Variants in SEMA5A observed in about 807,000 individuals in gnomAD.
SEMA5A encodes the protein semaphorin 5A.
Under a neutral mutation model 135.5 loss-of-function variants are expected in SEMA5A, and 55 were observed. That is an observed-to-expected ratio of 0.41 (90% confidence interval 0.33 to 0.51). The LOEUF (loss-of-function observed/expected upper bound fraction) is 0.51. Ranked by LOEUF, SEMA5A falls within the 20% of genes least tolerant of loss-of-function variation. The pLI is 0.37. For synonymous variants in SEMA5A, 580 were observed against 546.5 expected (o/e 1.06, Z -0.85); for missense variants, 1,290 against 1,419.9 (o/e 0.91, Z 1.47).
chr5:9,197,152 G>C lies in SEMA5A; in HGVS notation c.1068+16C>G, dbSNP rs1554001373. ...TGGGGGATGCCAACAGTGCCCCTTT[G>C]CCCCCCGAAAATTACCTGGAAGTGG... On this transcript the variant is annotated intron_variant, in intron 10 of 22. Transcript: ENST00000382496. 6.2e-7 allele frequency: 1 copy of C among 1,614,018 alleles called. No individual in the cohort carries two copies. The highest frequency in any genetic ancestry group is 8.5e-7 in the Non-Finnish European group (1 of 1,179,954).
intron 1 of SEMA5A, among the ~76,000 whole-genome samples, chr5:9,485,868 C>T (rs578127223): frequency 6.6e-6 from 1 of 152,144 alleles, no homozygotes; most frequent in East Asian, 1.9e-4. Flanking sequence ...AACTATTAGG[C>T]TTTAAAAGTA....
At chr5:9,229,136 C>T (rs1363026580) in intron 6 of SEMA5A, among the ~76,000 whole-genome samples, 2 of 152,156 alleles carry the variant, frequency 1.3e-5, no homozygotes, top group African/African-American at 2.4e-5. Context: ...GTGGATTATC[C>T]TCCTAACATT....
intron 12 of SEMA5A, among the ~76,000 whole-genome samples, chr5:9,137,236 T>C (rs1256447752): frequency 2.6e-5 from 4 of 152,184 alleles, no homozygotes; most frequent in Non-Finnish European, 5.9e-5. Flanking sequence ...ACTCAAAAAA[T>C]AGGAGCATCT....
chr5:9,140,277 T>G lies in SEMA5A; in HGVS notation c.1482-3656A>C, dbSNP rs577614711. Among the ~76,000 whole-genome samples the G allele has an allele frequency of 9.2e-5, 14 of 152,370 alleles. No homozygotes were observed. In the South Asian group the frequency reaches 2.9e-3, roughly 32 times the overall value. ...TTATTGTAGAAAACACATAAAAATT[T>G]TCTCAATTCTCAAGACACGCAATTG... On this transcript the variant is annotated intron_variant, in intron 12 of 22. Coordinates refer to ENST00000382496, the MANE Select transcript of SEMA5A (RefSeq NM_003966.3).
At position 9,321,325 on chromosome 5, in the gene SEMA5A, C is replaced by T. The variant is rs546847314; in HGVS notation, c.225-2908G>A. ...AGTGTGAGAACAAACTAGTACATAG[C>T]GGCACCAGGGAAATTACTAGCCATT... On this transcript the variant is annotated intron_variant, in intron 4 of 22. Coordinates refer to ENST00000382496, the MANE Select transcript of SEMA5A (RefSeq NM_003966.3). Among the ~76,000 whole-genome samples the T allele has an allele frequency of 5.8e-4, 89 of 152,188 alleles. 1 individual carries two copies. Among genetic ancestry groups the T allele is most frequent in the Middle Eastern group, 3.4e-3 (1 of 294 alleles).
intron 3 of SEMA5A, among the ~76,000 whole-genome samples, chr5:9,348,578 G>A (rs1753979172): frequency 6.6e-6 from 1 of 152,148 alleles, no homozygotes; most frequent in African/African-American, 2.4e-5. Flanking sequence ...TGCAGCATAT[G>A]ATTTTAGGCT....
At chr5:9,443,945 T>C (rs1168082199) in intron 1 of SEMA5A, among the ~76,000 whole-genome samples, 1 of 152,218 alleles carries the variant, frequency 6.6e-6, no homozygotes, top group Non-Finnish European at 1.5e-5. Flanking sequence ...ACTCTTACCA[T>C]GGTCCAGGGA....
At chr5:9,253,729 C>A (rs1210395767) in intron 5 of SEMA5A, among the ~76,000 whole-genome samples, 3 of 152,072 alleles carry the variant, frequency 2.0e-5, no homozygotes, top group African/African-American at 7.2e-5. Context: ...AAATGTGGTA[C>A]AAAATCTCAT....
intron 16 of SEMA5A, among the ~76,000 whole-genome samples, chr5:9,074,739 A>G (rs896372082): frequency 1.3e-5 from 2 of 152,246 alleles, no homozygotes; most frequent in African/African-American, 2.4e-5. Context: ...AAACTTAGAA[A>G]AAGGTAAATT....
chr5:9,322,478 C>T (rs1752673559), intron 4 of SEMA5A, among the ~76,000 whole-genome samples: 1 of 152,006 alleles, frequency 6.6e-6, no homozygotes, highest in African/African-American at 2.4e-5. Context: ...ATCCAATACC[C>T]CAGGAAGGAA....
At position 9,119,590 on chromosome 5, in the gene SEMA5A, G is replaced by A. The variant is rs1479649; in HGVS notation, c.1782-449C>T. ...GACAAAATGCTCATCTAAAACTGCC[G>A]AAAATGCTATCTTTTAAAATCTATT... is the stretch of plus-strand genomic sequence containing the variant. On this transcript the variant is annotated intron_variant, in intron 14 of 22. Coordinates refer to ENST00000382496, the MANE Select transcript of SEMA5A (RefSeq NM_003966.3). 7.9e-5 allele frequency among the ~76,000 whole-genome samples: 12 copies of A among 151,886 alleles called. 1 individual carries two copies. Among genetic ancestry groups the A allele is most frequent in the Admixed American group, 1.3e-4 (2 of 15,238 alleles).
chr5:9,504,585 A>C (rs1234479318), intron 1 of SEMA5A, among the ~76,000 whole-genome samples: 1 of 152,236 alleles, frequency 6.6e-6, no homozygotes, highest in Non-Finnish European at 1.5e-5. Context: ...GTGAGGCGCA[A>C]GGGGAATGCT....
intron 1 of SEMA5A, among the ~76,000 whole-genome samples, chr5:9,455,342 G>A (rs1249406371): frequency 7.9e-5 from 12 of 151,316 alleles, no homozygotes; most frequent in South Asian, 4.2e-4. Flanking sequence ...TGTAATCTCC[G>A]CCTCCCAGGT....
chr5:9,269,503 C>T (rs762865395), intron 5 of SEMA5A, among the ~76,000 whole-genome samples: 2 of 152,070 alleles, frequency 1.3e-5, no homozygotes, highest in African/African-American at 4.8e-5. Flanking sequence ...AGTTAGCGTA[C>T]TCACTTGAAA....
At chr5:9,357,931 C>T (rs922929982) in intron 3 of SEMA5A, among the ~76,000 whole-genome samples, 4 of 152,210 alleles carry the variant, frequency 2.6e-5, no homozygotes, top group Non-Finnish European at 5.9e-5. Context: ...ATTATTTGGA[C>T]AGGAATTATG....
At chr5:9,423,876 G>A (rs1047115501) in intron 2 of SEMA5A, among the ~76,000 whole-genome samples, 1 of 152,174 alleles carries the variant, frequency 6.6e-6, no homozygotes, top group Non-Finnish European at 1.5e-5. Context: ...TATGCCTACT[G>A]CAGCTGGAAC....
At chr5:9,091,657 A>G (rs942271821) in intron 16 of SEMA5A, among the ~76,000 whole-genome samples, 1 of 152,350 alleles carries the variant, frequency 6.6e-6, no homozygotes, top group African/African-American at 2.4e-5. Context: ...TCAAAACACA[A>G]CAACCCTACT....
At chr5:9,343,677 T>C (rs1249573880) in intron 3 of SEMA5A, among the ~76,000 whole-genome samples, 1 of 151,984 alleles carries the variant, frequency 6.6e-6, no homozygotes, top group African/African-American at 2.4e-5. Flanking sequence ...AAAACTATGA[T>C]AGAAAAACAA....
At chr5:9,467,161 G>A (rs1759292794) in intron 1 of SEMA5A, among the ~76,000 whole-genome samples, 1 of 152,054 alleles carries the variant, frequency 6.6e-6, no homozygotes, top group Non-Finnish European at 1.5e-5. Flanking sequence ...TGCCCAGGCT[G>A]GAGTGCAGTG....
Sources: allele counts gnomAD v4.1 joint callset (sites outside exome capture counted in the v4.1 genomes callset), GRCh38; gene constraint gnomAD v4.1.1; transcripts MANE v1.5; gene names NCBI Gene and HGNC (gene_info 2026-07-23, HGNC 2026-07-21).